Variants in ARL10 observed in about 807,000 individuals in gnomAD.
ARL10 encodes ADP-ribosylation factor-like protein 10.
ARL10 carries 23 observed loss-of-function variants against 26.1 expected under a neutral mutation model. That is an observed-to-expected ratio of 0.88 (90% CI 0.63 to 1.25). The LOEUF (loss-of-function observed/expected upper bound fraction) is 1.25. ARL10 is among the 50% of genes most tolerant of loss of function. The pLI is 0.00. For synonymous variants in ARL10, 138 were observed against 149.1 expected, an observed-to-expected ratio of 0.93 and a Z score of 0.54; for missense variants, 300 against 323.6, an observed-to-expected ratio of 0.93 and a Z score of 0.56.
At chr5:176,388,960 G>C, downstream of ARL10, 1 of 1,614,092 alleles carries the variant, frequency 6.2e-7, no homozygotes, top group East Asian at 2.2e-5. Flanking sequence ...GCGAGAACCC[G>C]GTGGTACCCA....
downstream of ARL10, chr5:176,388,649 A>C: frequency 7.5e-7 from 1 of 1,341,746 alleles, no homozygotes; most frequent in South Asian, 1.3e-5. Context: ...CATTTGGGGA[A>C]ATGTAGTCCT....
At chr5:176,366,185 G>A (rs894593345) in intron 1 of ARL10, among the ~76,000 whole-genome samples, 195 bp from the exon 2 acceptor site, 1 of 152,206 alleles carries the variant, frequency 6.6e-6, no homozygotes, top group African/African-American at 2.4e-5. Context: ...CGGGGCGCGC[G>A]AGCGTTTAAG....
At chr5:176,390,364 C>A (rs1756220228), downstream of ARL10, among the ~76,000 whole-genome samples, 5 of 151,872 alleles carry the variant, frequency 3.3e-5, no homozygotes, top group Admixed American at 2.0e-4. Flanking sequence ...GTTCTGCCCT[C>A]CACTCCGCAT....
At chr5:176,394,356 C>G (rs187327884) in intron 1 of ARL10, among the ~76,000 whole-genome samples, 2 of 152,216 alleles carry the variant, frequency 1.3e-5, no homozygotes, top group South Asian at 2.1e-4. Context: ...TTTCACGAGA[C>G]CCCCTGGTAA....
the ARL10 span, among the ~76,000 whole-genome samples, chr5:176,407,861 G>C: frequency 6.6e-6 from 1 of 152,160 alleles, no homozygotes; most frequent in South Asian, 2.1e-4. Flanking sequence ...CCAGAAACAG[G>C]ACTTGGCCAG....
the ARL10 span, among the ~76,000 whole-genome samples, chr5:176,413,189 G>C: frequency 6.6e-6 from 1 of 152,182 alleles, no homozygotes; most frequent in African/African-American, 2.4e-5. Context: ...CACACTCACA[G>C]GCCAGCAGAA....
downstream of ARL10, chr5:176,385,907 TAGAA>T (rs1755807163): frequency 6.6e-6 from 1 of 152,590 alleles, no homozygotes; most frequent in Non-Finnish European, 1.5e-5. Context: ...ATTTCTCATC[TAGAA>T]AGAGAGAGAA....
intron 1 of ARL10, among the ~76,000 whole-genome samples, chr5:176,398,300 T>C (rs901870318): frequency 6.6e-6 from 1 of 152,206 alleles, no homozygotes; most frequent in South Asian, 2.1e-4. Flanking sequence ...TTATAGGTTT[T>C]GATACCCCCA....
In ARL10 at chr5:176,365,638, C is replaced by A; in HGVS notation, c.75C>A (p.Phe25Leu). The A allele has an allele frequency of 1.6e-6, 2 of 1,260,440 alleles. No homozygotes were observed. Among genetic ancestry groups the A allele is most frequent in the Non-Finnish European group, 1.0e-6 (1 of 1,002,988 alleles). 78.1% of individuals were successfully genotyped at this position (1,260,440 alleles called of 1,614,324 possible). A position where few individuals can be genotyped will look rare whatever the true frequency, so the allele number is the denominator to read the frequency against. The change falls in exon 1 of 4, where the codon TTC becomes TTA. Residue 25 changes from phenylalanine to leucine, a missense_variant. Physicochemically the swap from Phe to Leu is conservative, Grantham distance 22. Transcript: ENST00000310389. ...GAAAVLGSVL[F>L]ILWKTYFGRG... Reference sequence around the variant, plus strand: ...CGGCGGTGCTGGGCTCGGTGCTCTTCATCCTCTGGAAGACCTACTTCGGCC... The same window carrying A: ...CGGCGGTGCTGGGCTCGGTGCTCTTAATCCTCTGGAAGACCTACTTCGGCC...
chr5:176,404,628 C>T (rs901762534), downstream of ARL10, among the ~76,000 whole-genome samples: 4 of 152,236 alleles, frequency 2.6e-5, no homozygotes, highest in African/African-American at 9.6e-5. Context: ...TCCCAAGGTG[C>T]CAAGCCTGGC....
intron 3 of ARL10, among the ~76,000 whole-genome samples, chr5:176,369,434 T>C (rs1398327430): frequency 1.3e-5 from 2 of 152,238 alleles, no homozygotes; most frequent in East Asian, 3.9e-4. Flanking sequence ...AGTTTTGCCA[T>C]GTTGGCCAGG....
At chr5:176,398,572 C>T (rs556046060) in intron 1 of ARL10, among the ~76,000 whole-genome samples, 30 of 151,694 alleles carry the variant, frequency 2.0e-4, no homozygotes, top group African/African-American at 5.8e-4. Context: ...ATTAGCCAGG[C>T]GTGGTGGTGC....
chr5:176,371,748 G>A lies in ARL10; in HGVS notation c.588G>A (p.Gly196=), dbSNP rs1389184438. The A allele has an allele frequency of 6.2e-7, 1 of 1,614,212 alleles. No individual in the cohort carries two copies. Among genetic ancestry groups the A allele is most frequent in the Non-Finnish European group, 8.5e-7 (1 of 1,180,034 alleles). Reference sequence around the variant, plus strand: ...ACCTGAGCGAGGCCATGAGTATGGGGGAGCTGCAGCGGGAGCTGGGTCTAC... The same window carrying A: ...ACCTGAGCGAGGCCATGAGTATGGGAGAGCTGCAGCGGGAGCTGGGTCTAC... ...KQDLSEAMSM[G]ELQRELGLQA... The change falls in exon 4 of 4, where the codon GGG becomes GGA. Residue 196 remains glycine, a synonymous_variant. Transcript: ENST00000310389.
chr5:176,373,232 C>T lies in ARL10; in HGVS notation c.*1337C>T. The T allele has an allele frequency of 2.5e-6, 1 of 393,248 alleles. No individual in the cohort carries two copies. Among genetic ancestry groups the T allele is most frequent in the Non-Finnish European group, 4.5e-6 (1 of 223,248 alleles). The allele number at this position is 393,248 out of a possible 1,614,324, so 24.4% of individuals were successfully genotyped here. On this transcript the variant is annotated 3_prime_UTR_variant, in exon 4 of 4. Transcript: ENST00000310389. The stretch of plus-strand genomic sequence containing the variant: ...GGTACATCACTCAGCCTTTCTGGAC[C>T]CAATTTTTCCCCAGTGAAAGCCAAG...
chr5:176,366,389 G>T lies in ARL10; in HGVS notation c.193G>T (p.Glu65Ter). Residue 65 changes from glutamate (E) to a stop codon, truncating the protein, a stop_gained, in exon 2 of 4, where the codon GAG (glutamate) becomes TAG (stop). Transcript: ENST00000310389. LOFTEE classifies it high-confidence loss of function. ...CTCCGCTTCCCCGCAGCCCGAGGAC[G>T]AGGAGGACGAGGAGCCGGCGCTGGA... ...PEWDEWDPED[E>*]EDEEPALEEL... is the part of the protein sequence containing the mutation. The T allele has an allele frequency of 6.2e-7, 1 of 1,609,106 alleles. No individual in the cohort carries two copies. The highest frequency in any genetic ancestry group is 1.7e-5 in the Admixed American group (1 of 59,816).
chr5:176,396,874 G>A (rs944881222), intron 1 of ARL10, among the ~76,000 whole-genome samples: 14 of 151,934 alleles, frequency 9.2e-5, no homozygotes, highest in African/African-American at 1.2e-4. Context: ...CTCTCCCACC[G>A]CTCCCTGGCC....
the ARL10 span, among the ~76,000 whole-genome samples, chr5:176,408,926 T>C: frequency 2.0e-4 from 31 of 152,172 alleles, no homozygotes; most frequent in African/African-American, 7.2e-4. Flanking sequence ...CCCTTGGGGC[T>C]AACCATTGTT....
chr5:176,383,307 G>A (rs1486941750), downstream of ARL10, among the ~76,000 whole-genome samples: 1 of 152,214 alleles, frequency 6.6e-6, no homozygotes, highest in Non-Finnish European at 1.5e-5. Context: ...TAAGGTTTTT[G>A]TATGACTAAT....
downstream of ARL10, among the ~76,000 whole-genome samples, chr5:176,383,230 C>G (rs1048456260): frequency 6.6e-6 from 1 of 152,146 alleles, no homozygotes; most frequent in Non-Finnish European, 1.5e-5. Context: ...TGGAAAAAAC[C>G]AAGCCCTCCT....
Sources: allele counts gnomAD v4.1 joint callset (sites outside exome capture counted in the v4.1 genomes callset), GRCh38; gene constraint gnomAD v4.1.1; transcripts MANE v1.5; gene names NCBI Gene and HGNC (gene_info 2026-07-23, HGNC 2026-07-21).